The following MLXIPL variants were observed in gnomAD, a reference collection of about 807,000 sequenced individuals.
The protein encoded by MLXIPL is MLX interacting protein like.
MLXIPL carries 49 observed loss-of-function variants against 81.5 expected under a neutral mutation model. The ratio of observed to expected loss-of-function variants is 0.60; its 90% CI spans 0.48 to 0.76. The LOEUF (loss-of-function observed/expected upper bound fraction) is 0.76. Among genes scored for constraint, MLXIPL ranks in the 30% least tolerant of loss-of-function variants. The pLI is 0.00. For missense variants in MLXIPL, 1,053 were observed against 1,167.0 expected (o/e 0.90, Z 1.42); for synonymous variants, 466 against 485.5 (o/e 0.96, Z 0.53).
At chr7:73,641,630 C>T in the MLXIPL span, among the ~76,000 whole-genome samples, 6 of 152,072 alleles carry the variant, frequency 3.9e-5, no homozygotes, top group Non-Finnish European at 5.9e-5. Flanking sequence ...TCAATTCTGA[C>T]ACTTTTTTTT....
chr7:73,636,918 G>T, the MLXIPL span, among the ~76,000 whole-genome samples: 1 of 151,826 alleles, frequency 6.6e-6, no homozygotes, highest in South Asian at 2.1e-4. Flanking sequence ...AAGTTAGCTG[G>T]GCATGGTGGC....
chr7:73,641,617 G>A, the MLXIPL span, among the ~76,000 whole-genome samples: 6 of 152,034 alleles, frequency 3.9e-5, no homozygotes, highest in African/African-American at 7.2e-5. Context: ...TGTGTCCTGC[G>A]ATTCAATTCT....
rs782517116 is a variant in MLXIPL, at chr7:73,595,711, G to A, written c.2236C>T (p.Arg746Cys). The A allele has an allele frequency of 5.0e-6, 8 of 1,613,650 alleles. No homozygotes were observed. The African/African-American group carries it at 8.0e-5, about 16-fold the overall frequency. Residue 746 changes from arginine to cysteine, a missense_variant, in exon 15 of 17, where the codon CGT becomes TGT. Physicochemically the swap from Arg to Cys is radical, Grantham distance 180. Coordinates refer to ENST00000313375, the MANE Select transcript of MLXIPL (RefSeq NM_032951.3). ...AACATGTCTCGCATCTGGTCAAAAC[G>A]CTGGTGTGTGATGGGTACCCCTGTG... ...PATGVPITHQ[R>C]FDQMRDMFDD...
the MLXIPL span, among the ~76,000 whole-genome samples, chr7:73,637,822 A>C: frequency 6.6e-6 from 1 of 152,198 alleles, no homozygotes; most frequent in Non-Finnish European, 1.5e-5. Context: ...AAAGAATGTC[A>C]GGCAGGGTGA....
At position 73,597,999 on chromosome 7, in the gene MLXIPL, T is replaced by TCATC. The variant is rs555101167; in HGVS notation, c.1072-290_1072-287dup. Among the ~76,000 whole-genome samples the TCATC allele has an allele frequency of 4.3e-3, 660 of 152,232 alleles. 4 individuals are homozygous for TCATC. The highest frequency in any genetic ancestry group is 0.014 in the African/African-American group (591 of 41,528). On this transcript the variant is annotated intron_variant, in intron 8 of 16. Transcript: ENST00000313375. ...TCCATTTGTCTCCCAAATAACTTAT[T>TCATC]CATCCATCCATCCACTAACTTGTCC...
intron 5 of MLXIPL, 26 bp downstream of exon 5, chr7:73,606,948 G>A (rs1554598358): frequency 5.0e-6 from 8 of 1,612,358 alleles, no homozygotes; most frequent in African/African-American, 1.3e-5. Context: ...GGATGCCCTT[G>A]CCTGCTGGAC....
intron 4 of MLXIPL, 114 bp from the exon 5 acceptor site, chr7:73,607,132 T>C (rs1478139956): frequency 9.1e-6 from 13 of 1,422,046 alleles, no homozygotes; most frequent in Middle Eastern, 1.7e-4. Context: ...CATCAGGAGC[T>C]CACCCGACCC....
At position 73,597,559 on chromosome 7, in the gene MLXIPL, G is replaced by A; in HGVS notation, c.1226C>T (p.Pro409Leu). The change falls in exon 9 of 17, where the codon CCC becomes CTC. Residue 409 changes from proline to leucine, a missense_variant. By Grantham distance (98) the Pro-to-Leu change is moderately conservative. Coordinates refer to ENST00000313375, the MANE Select transcript of MLXIPL (RefSeq NM_032951.3). ...PPPAKVPGLE[P>L]CPPPPFPPMA... ...GGGAGGGAAGGGAGGTGGGGGGCAGGGCTCCAGGCCTGGCACCTTGGCAGG... is the reference window on the plus strand; with the variant it reads ...GGGAGGGAAGGGAGGTGGGGGGCAGAGCTCCAGGCCTGGCACCTTGGCAGG... The A allele has an allele frequency of 7.3e-7, 1 of 1,365,778 alleles. No homozygotes were observed. The highest frequency in any genetic ancestry group is 9.5e-7 in the Non-Finnish European group (1 of 1,057,734). 84.6% of individuals were successfully genotyped at this position (1,365,778 alleles called of 1,614,324 possible). A position where few individuals can be genotyped will look rare whatever the true frequency, so the allele number is the denominator to read the frequency against.
chr7:73,636,461 G>A, the MLXIPL span, among the ~76,000 whole-genome samples: 4 of 151,812 alleles, frequency 2.6e-5, no homozygotes, highest in Non-Finnish European at 5.9e-5. Context: ...GAGGGCAGAA[G>A]GTATTCTGGG....
the MLXIPL span, among the ~76,000 whole-genome samples, chr7:73,646,641 A>G: frequency 6.6e-6 from 1 of 152,110 alleles, no homozygotes. Context: ...ACTCCTGGCT[A>G]CTACAGCTCA....
At chr7:73,642,649 C>T in the MLXIPL span, among the ~76,000 whole-genome samples, 1 of 152,212 alleles carries the variant, frequency 6.6e-6, no homozygotes, top group Non-Finnish European at 1.5e-5. Context: ...AGCCACCATG[C>T]CTGGCCCTTT....
intron 2 of MLXIPL, chr7:73,609,573 T>A (rs1370037752): frequency 4.6e-5 from 7 of 152,106 alleles, no homozygotes; most frequent in Admixed American, 1.3e-4. Context: ...TGTGTGTGTG[T>A]GTGTGTGTGT....
chr7:73,601,807 C>G (rs1554596349), intron 7 of MLXIPL, among the ~76,000 whole-genome samples: 1 of 152,090 alleles, frequency 6.6e-6, no homozygotes, highest in Non-Finnish European at 1.5e-5. Flanking sequence ...GCTGGGATGA[C>G]AGGAGTGAGT....
intron 2 of MLXIPL, among the ~76,000 whole-genome samples, chr7:73,612,431 G>A (rs1038389571): frequency 2.6e-4 from 40 of 151,530 alleles, no homozygotes; most frequent in African/African-American, 9.4e-4. Flanking sequence ...ACCTGAGGTC[G>A]GGAGTTCGAG....
the MLXIPL span, among the ~76,000 whole-genome samples, chr7:73,634,480 C>G: frequency 1.3e-5 from 2 of 152,114 alleles, no homozygotes; most frequent in African/African-American, 4.8e-5. Context: ...CAACTGCCAC[C>G]TTCCAGGTTC....
the MLXIPL span, among the ~76,000 whole-genome samples, chr7:73,629,577 T>G: frequency 6.6e-6 from 1 of 152,072 alleles, no homozygotes; most frequent in African/African-American, 2.4e-5. Context: ...TACAAAAAAT[T>G]AAAAAATTAG....
chr7:73,632,660 T>C, the MLXIPL span, among the ~76,000 whole-genome samples: 2 of 152,118 alleles, frequency 1.3e-5, no homozygotes, highest in Non-Finnish European at 2.9e-5. Context: ...ACTGTCTTCC[T>C]GTGGGAAGGA....
In MLXIPL at chr7:73,602,588, G is replaced by A. The variant is rs565702940; in HGVS notation, c.902-2893C>T. ...CCAGCTATTCTGGAGGCTGAGACAGGAGAATTGCTTGAACCCGGGAGGTGG... is the reference window on the plus strand; with the variant it reads ...CCAGCTATTCTGGAGGCTGAGACAGAAGAATTGCTTGAACCCGGGAGGTGG... On this transcript the variant is annotated intron_variant, in intron 7 of 16. Transcript: ENST00000313375. 3.2e-3 allele frequency among the ~76,000 whole-genome samples: 485 copies of A among 152,160 alleles called. 3 individuals are homozygous for A. Among genetic ancestry groups the A allele is most frequent in the African/African-American group, 0.011 (471 of 41,538 alleles).
Position 73,606,013 on chromosome 7 carries a change from C to G in MLXIPL, c.717G>C (p.Gly239=). The G allele has an allele frequency of 6.3e-7, 1 of 1,586,852 alleles. No individual in the cohort carries two copies. The highest frequency in any genetic ancestry group is 8.6e-7 in the Non-Finnish European group (1 of 1,166,352). Residue 239 remains glycine, a synonymous_variant, in exon 6 of 17, where the codon GGG becomes GGC. Transcript: ENST00000313375. ...LLGDPEEEPG[G]RQLLDLNCFL... ...AGCAATTGAGGTCCAGGAGCTGCCG[C>G]CCACCCGGCTCCTCCTCTGGGTCCC...
Sources: gnomAD v4.1 joint callset for allele counts (sites outside exome capture counted in the v4.1 genomes callset) on GRCh38, gnomAD v4.1.1 for gene constraint, MANE v1.5 for transcripts, NCBI Gene and HGNC (gene_info 2026-07-23, HGNC 2026-07-21) for gene names.